The following BLK variants were observed in gnomAD, a reference collection of about 807,000 sequenced individuals.
BLK encodes tyrosine-protein kinase Blk.
A neutral mutation model predicts 61.8 loss-of-function variants in BLK; 64 were observed. The ratio of observed to expected loss-of-function variants is 1.03; its 90% confidence interval spans 0.85 to 1.27. The LOEUF (loss-of-function observed/expected upper bound fraction) is 1.27. Ranked by LOEUF, BLK falls within the 50% of genes most tolerant of loss-of-function variation. The pLI is 0.00. For missense variants in BLK, 853 were observed against 660.5 expected (o/e 1.29, Z -3.19); for synonymous variants, 351 against 272.0 (o/e 1.29, Z -2.86).
chr8:11,517,856 G>A (rs932485393), intron 1 of BLK, among the ~76,000 whole-genome samples: 6 of 152,152 alleles, frequency 3.9e-5, no homozygotes, highest in Admixed American at 1.3e-4. Context: ...CTGAGTCAAG[G>A]GTCACCTTTC....
chr8:11,559,344 AAC>A (rs1801372390), intron 10 of BLK, among the ~76,000 whole-genome samples: 4 of 151,208 alleles, frequency 2.6e-5, no homozygotes, highest in East Asian at 1.9e-4. Flanking sequence ...CACACGGACA[AAC>A]ACAAACACAT....
At chr8:11,535,288 G>GAA (rs1372394157) in intron 1 of BLK, among the ~76,000 whole-genome samples, 2 of 141,652 alleles carry the variant, frequency 1.4e-5, no homozygotes, top group African/African-American at 5.1e-5. Flanking sequence ...AAGAAAGAAA[G>GAA]AAAGAAAGAA....
chr8:11,525,619 C>T (rs148817389), intron 1 of BLK, among the ~76,000 whole-genome samples: 99 of 152,248 alleles, frequency 6.5e-4, no homozygotes, highest in African/African-American at 1.7e-3. Flanking sequence ...ACAAGTTATC[C>T]ATGAATATTG....
intron 8 of BLK, 27 bp from the exon 9 acceptor site, chr8:11,556,631 T>A: frequency 6.2e-7 from 1 of 1,613,958 alleles, no homozygotes; most frequent in Non-Finnish European, 8.5e-7. Flanking sequence ...TGTCTTCTGA[T>A]TGGCTTCTTC....
intron 1 of BLK, among the ~76,000 whole-genome samples, chr8:11,532,365 ATTTTT>A (rs56990952): frequency 8.0e-6 from 1 of 125,636 alleles, no homozygotes; most frequent in African/African-American, 3.0e-5. Context: ...TGCCCAGCTC[ATTTTT>A]TTTTTTTTTT....
chr8:11,513,867 A>G (rs2117298144), intron 1 of BLK, among the ~76,000 whole-genome samples: 1 of 152,248 alleles, frequency 6.6e-6, no homozygotes, highest in East Asian at 1.9e-4. Context: ...GCTTGGGGTA[A>G]TGGAGCAGCT....
At chr8:11,549,461 C>G (rs1800805587) in intron 5 of BLK, among the ~76,000 whole-genome samples, 1 of 152,218 alleles carries the variant, frequency 6.6e-6, no homozygotes, top group Non-Finnish European at 1.5e-5. Context: ...CCTCCATGGG[C>G]AGGACTCAGG....
At chr8:11,516,150 G>A (rs545803276) in intron 1 of BLK, among the ~76,000 whole-genome samples, 1 of 152,248 alleles carries the variant, frequency 6.6e-6, no homozygotes, top group African/African-American at 2.4e-5. Context: ...GCTAAGAGGA[G>A]AGAGTCAGAC....
chr8:11,561,019 C>T (rs761935243), intron 10 of BLK: 6 of 618,066 alleles, frequency 9.7e-6, no homozygotes, highest in Non-Finnish European at 1.8e-5. Flanking sequence ...TTCTATCTTC[C>T]ATCTCTGCAG....
At chr8:11,549,705 C>T (rs982128000) in intron 5 of BLK, among the ~76,000 whole-genome samples, 2 of 152,182 alleles carry the variant, frequency 1.3e-5, no homozygotes, top group Non-Finnish European at 2.9e-5. Flanking sequence ...TTCCCTGGAA[C>T]AGTGTGGGGA....
At chr8:11,519,610 G>C (rs1176458907) in intron 1 of BLK, among the ~76,000 whole-genome samples, 3 of 152,196 alleles carry the variant, frequency 2.0e-5, no homozygotes, top group African/African-American at 7.2e-5. Flanking sequence ...TAGAGGACTT[G>C]TGCCAGTCAC....
At chr8:11,555,786 G>A (rs781206842) in intron 8 of BLK, 99 of 461,398 alleles carry the variant, frequency 2.1e-4, no homozygotes, top group Non-Finnish European at 3.3e-4. Flanking sequence ...CTGCAGCGGC[G>A]CGTTAACTCC....
chr8:11,531,047 G>A (rs2117378178), intron 1 of BLK, among the ~76,000 whole-genome samples: 2 of 152,226 alleles, frequency 1.3e-5, no homozygotes, highest in South Asian at 4.1e-4. Context: ...GGGTGGTTGT[G>A]TGGTGGCATT....
At chr8:11,508,221 A>G (rs1798859186) in intron 1 of BLK, among the ~76,000 whole-genome samples, 1 of 152,250 alleles carries the variant, frequency 6.6e-6, no homozygotes, top group African/African-American at 2.4e-5. Context: ...GTAAGGCAAG[A>G]GAAGCGTGTC....
At chr8:11,497,944 G>A (rs1367315034) in intron 1 of BLK, among the ~76,000 whole-genome samples, 1 of 152,212 alleles carries the variant, frequency 6.6e-6, no homozygotes, top group Non-Finnish European at 1.5e-5. Flanking sequence ...CCACTCTCAA[G>A]CACAGACATG....
intron 1 of BLK, among the ~76,000 whole-genome samples, chr8:11,538,500 G>GT (rs1445410486): frequency 2.6e-5 from 4 of 152,214 alleles, no homozygotes; most frequent in Admixed American, 1.3e-4. Flanking sequence ...GGACAGAAGT[G>GT]TAAGTAGTGG....
chr8:11,507,790 C>T (rs1229295720), intron 1 of BLK, among the ~76,000 whole-genome samples: 4 of 152,104 alleles, frequency 2.6e-5, no homozygotes, highest in Admixed American at 6.5e-5. Flanking sequence ...GCCAGGAGAG[C>T]AGGGAAGAGA....
chr8:11,501,466 A>C (rs1798558412), intron 1 of BLK, among the ~76,000 whole-genome samples: 1 of 151,898 alleles, frequency 6.6e-6, no homozygotes, highest in Non-Finnish European at 1.5e-5. Flanking sequence ...CACTGGGGGA[A>C]GTGTGAGGTC....
chr8:11,519,123 C>T (rs1359220018), intron 1 of BLK, among the ~76,000 whole-genome samples: 4 of 152,280 alleles, frequency 2.6e-5, no homozygotes, highest in East Asian at 3.9e-4. Context: ...ATGGGCTCCA[C>T]GGAGCAGGAG....
Sources: allele counts gnomAD v4.1 joint callset (sites outside exome capture counted in the v4.1 genomes callset), GRCh38; gene constraint gnomAD v4.1.1; transcripts MANE v1.5; gene names NCBI Gene and HGNC (gene_info 2026-07-23, HGNC 2026-07-21).